The following FOCAD variants were observed in gnomAD, a reference collection of about 807,000 sequenced individuals.
FOCAD encodes the protein KIAA1797.
FOCAD carries 198 observed loss-of-function variants against 225.6 expected under a neutral mutation model. The ratio of observed to expected loss-of-function variants is 0.88; its 90% CI spans 0.78 to 0.99. The LOEUF is 0.99. FOCAD is among the 50% of genes least tolerant of loss of function. The pLI, the probability that FOCAD is intolerant of heterozygous loss-of-function variation, is 0.00. For synonymous variants in FOCAD, 897 were observed against 755.0 expected (o/e 1.19, Z -3.08); for missense variants, 2,713 against 2,123.6 (o/e 1.28, Z -5.46).
chr9:20,793,888 T>A (rs1262022660), intron 11 of FOCAD, among the ~76,000 whole-genome samples: 1 of 152,104 alleles, frequency 6.6e-6, no homozygotes, highest in Non-Finnish European at 1.5e-5. Flanking sequence ...GAACAAAATT[T>A]TTCTTATTTA....
intron 21 of FOCAD, among the ~76,000 whole-genome samples, chr9:20,889,689 T>A (rs989773882): frequency 6.6e-6 from 1 of 152,202 alleles, no homozygotes; most frequent in Non-Finnish European, 1.5e-5. Context: ...CTTCCAACTT[T>A]GTTTCATGTT....
chr9:20,980,364 GA>G (rs1840584799), intron 37 of FOCAD, among the ~76,000 whole-genome samples: 2 of 152,024 alleles, frequency 1.3e-5, no homozygotes. Context: ...TCTTACTTTT[GA>G]ATCAGACCTA....
rs2131001390 is a variant in FOCAD at position 20,770,148 on chromosome 9, G to T, written c.816G>T (p.Leu272=). Residue 272 remains leucine (L), a synonymous_variant, in exon 8 of 44, where the codon CTG becomes CTT. Transcript: ENST00000338382. ...KIQLTQMSLQ[L]LCVSEVSLKI... is the part of the protein sequence containing the mutation. Reference sequence around the variant, plus strand: ...AGCTTACCCAGATGAGTCTTCAGCTGCTGTGTGTCAGTGAAGTCAGCTTAA... The same window carrying T: ...AGCTTACCCAGATGAGTCTTCAGCTTCTGTGTGTCAGTGAAGTCAGCTTAA... 1 of 1,614,100 alleles carries T rather than the reference G, an allele frequency of 6.2e-7. No individual in the cohort carries two copies. Among genetic ancestry groups the T allele is most frequent in the East Asian group, 2.2e-5 (1 of 44,878 alleles).
intron 15 of FOCAD, among the ~76,000 whole-genome samples, chr9:20,838,421 A>G (rs1202638547): frequency 1.3e-5 from 2 of 152,126 alleles, no homozygotes; most frequent in Non-Finnish European, 2.9e-5. Context: ...CTTCAGAGCC[A>G]TGGCACACTG....
chr9:20,661,729 A>G (rs1211961196), intron 2 of FOCAD, among the ~76,000 whole-genome samples: 3 of 152,234 alleles, frequency 2.0e-5, no homozygotes, highest in Admixed American at 6.5e-5. Flanking sequence ...TGCAAGCCCT[A>G]TGGAAGTTAA....
In FOCAD at chr9:20,866,917, T is replaced by TTTAACAAAAAAAGG; in HGVS notation, c.2107-12_2107-11insTTAACAAAAAAAGG. The stretch of plus-strand genomic sequence containing the variant: ...TTTTTTTTTTTTTTTTTTTTTTTTT[T>TTTAACAAAAAAAGG]ACCCTATCTAGGACCCAATTGTAGC... On this transcript the variant is annotated splice_polypyrimidine_tract_variant and intron_variant, in intron 17 of 43. Coordinates refer to ENST00000338382, the MANE Select transcript of FOCAD (RefSeq NM_001375567.1). The TTTAACAAAAAAAGG allele has an allele frequency of 1.3e-6, 1 of 764,972 alleles. No individual in the cohort carries two copies. The highest frequency in any genetic ancestry group is 2.0e-6 in the Non-Finnish European group (1 of 498,468). 47.4% of individuals were successfully genotyped at this position (764,972 alleles called of 1,614,324 possible). A position where few individuals can be genotyped will look rare whatever the true frequency, so the allele number is the denominator to read the frequency against.
intron 5 of FOCAD, among the ~76,000 whole-genome samples, chr9:20,749,848 ATT>A (rs201126106): frequency 6.6e-6 from 1 of 151,814 alleles, no homozygotes; most frequent in Non-Finnish European, 1.5e-5. Flanking sequence ...ATCACAGACT[ATT>A]TTTTTTAACC....
At chr9:20,754,336 C>G (rs951114466) in intron 5 of FOCAD, among the ~76,000 whole-genome samples, 1 of 152,138 alleles carries the variant, frequency 6.6e-6, no homozygotes, top group Non-Finnish European at 1.5e-5. Flanking sequence ...CCCAAATTAG[C>G]ATGAATATTC....
chr9:20,739,891 A>G (rs1827468808), intron 4 of FOCAD, among the ~76,000 whole-genome samples: 1 of 152,172 alleles, frequency 6.6e-6, no homozygotes. Flanking sequence ...ATAGTCTGCT[A>G]ATATTTATAA....
intron 36 of FOCAD, 105 bp from the exon 37 acceptor site, chr9:20,978,234 C>A: frequency 1.6e-6 from 1 of 643,146 alleles, no homozygotes; most frequent in Non-Finnish European, 2.6e-6. Context: ...GTTCTGTTAC[C>A]TGCAAAAGTC....
At chr9:20,764,535 G>A (rs776735181) in intron 6 of FOCAD, among the ~76,000 whole-genome samples, 2 of 152,164 alleles carry the variant, frequency 1.3e-5, no homozygotes, top group Admixed American at 1.3e-4. Context: ...TTTTATAGGC[G>A]TGAGCCTCCG....
At chr9:20,829,861 T>A (rs537171465) in intron 15 of FOCAD, among the ~76,000 whole-genome samples, 65 of 152,256 alleles carry the variant, frequency 4.3e-4, no homozygotes, top group Non-Finnish European at 7.5e-4. Context: ...GCAGCAGTAG[T>A]AAGCATCTCT....
intron 21 of FOCAD, among the ~76,000 whole-genome samples, chr9:20,885,919 G>A (rs1008247529): frequency 1.3e-5 from 2 of 152,022 alleles, no homozygotes; most frequent in Non-Finnish European, 2.9e-5. Context: ...AGACATAGTA[G>A]GTTATATATC....
chr9:20,864,628 A>G (rs1016383756), intron 16 of FOCAD, among the ~76,000 whole-genome samples: 1 of 152,200 alleles, frequency 6.6e-6, no homozygotes, highest in African/African-American at 2.4e-5. Flanking sequence ...TACTACAGGT[A>G]TATGTATGCA....
chr9:20,839,154 A>G (rs1330141057), intron 15 of FOCAD, among the ~76,000 whole-genome samples: 3 of 150,920 alleles, frequency 2.0e-5, no homozygotes. Context: ...GTTTGTGAGT[A>G]TGTGTGTTTC....
At chr9:20,758,776 G>C (rs1009100837) in intron 6 of FOCAD, among the ~76,000 whole-genome samples, 1 of 152,074 alleles carries the variant, frequency 6.6e-6, no homozygotes, top group Non-Finnish European at 1.5e-5. Context: ...GGGCAATTAG[G>C]CAGGAGAAGG....
intron 1 of FOCAD, among the ~76,000 whole-genome samples, chr9:20,711,715 G>A (rs539569975): frequency 3.9e-5 from 6 of 152,248 alleles, no homozygotes; most frequent in Non-Finnish European, 7.3e-5. Context: ...AAGGAAATAT[G>A]TGTTTTGTTT....
At chr9:20,947,410 T>C (rs1432766510) in intron 30 of FOCAD, among the ~76,000 whole-genome samples, 5 of 152,134 alleles carry the variant, frequency 3.3e-5, no homozygotes, top group African/African-American at 1.2e-4. Context: ...AAGCAAACAC[T>C]GTGTGCTTTT....
chr9:20,690,906 A>ATT (rs34441239), intron 1 of FOCAD, among the ~76,000 whole-genome samples: 6,988 of 141,274 alleles, frequency 0.049, 557 homozygotes, highest in African/African-American at 0.17. Context: ...ACCTGTCAGC[A>ATT]TTTTTTTTTT....
Sources: allele counts gnomAD v4.1 joint callset (sites outside exome capture counted in the v4.1 genomes callset), GRCh38; gene constraint gnomAD v4.1.1; transcripts MANE v1.5; gene names NCBI Gene and HGNC (gene_info 2026-07-23, HGNC 2026-07-21).